Variants in GRM8 observed in about 807,000 individuals in gnomAD.
The protein encoded by GRM8 is metabotropic glutamate receptor 8.
In GRM8, 47 loss-of-function variants were observed where a neutral mutation model predicts 87.2. The ratio of observed to expected loss-of-function variants is 0.54; its 90% CI spans 0.43 to 0.69. The LOEUF (loss-of-function observed/expected upper bound fraction) is 0.69, where lower values mean the gene tolerates loss of function less well. Among genes scored for constraint, GRM8 ranks in the 30% least tolerant of loss-of-function variants. The pLI is 0.00. For missense variants in GRM8, 1,019 were observed against 1,139.2 expected, an observed-to-expected ratio of 0.89 and a Z score of 1.52; for synonymous variants, 396 against 404.5, an observed-to-expected ratio of 0.98 and a Z score of 0.25.
chr7:126,786,976 C>T (rs1820688978), intron 6 of GRM8, among the ~76,000 whole-genome samples: 2 of 152,136 alleles, frequency 1.3e-5, no homozygotes, highest in South Asian at 4.1e-4. Flanking sequence ...ACAATGCTGG[C>T]TCTTTTCTGC....
intron 7 of GRM8, among the ~76,000 whole-genome samples, chr7:126,642,931 G>T (rs1031405691): frequency 3.3e-5 from 5 of 152,054 alleles, no homozygotes; most frequent in Admixed American, 2.6e-4. Context: ...ATATTAATGA[G>T]TGCCAACAAT....
In GRM8 at chr7:126,770,047, C is replaced by A. The variant is rs2234947; in HGVS notation, c.1175G>T (p.Arg392Leu). ...TCCTTCCTGTTCATAAGATGAATCC[C>A]GAGCAATTCGCTCCAGCCCTGCAAA... ...KKCTGLERIA[R>L]DSSYEQEGKV... The change falls in exon 7 of 11, where the codon CGG becomes CTG. Residue 392 changes from arginine to leucine, a missense_variant. By Grantham distance (102) the Arg-to-Leu change is moderately radical (BLOSUM62 -2). Coordinates refer to ENST00000339582, the MANE Select transcript of GRM8 (RefSeq NM_000845.3). The A allele has an allele frequency of 6.2e-7, 1 of 1,611,742 alleles. No individual in the cohort carries two copies. The highest frequency in any genetic ancestry group is 2.2e-5 in the East Asian group (1 of 44,674).
chr7:126,707,597 T>C (rs951599385), intron 7 of GRM8, among the ~76,000 whole-genome samples: 2 of 152,150 alleles, frequency 1.3e-5, no homozygotes, highest in Non-Finnish European at 2.9e-5. Context: ...TGGAACTAAA[T>C]AGAGAACCCA....
At chr7:126,780,816 A>C (rs2151638425) in intron 6 of GRM8, among the ~76,000 whole-genome samples, 1 of 152,330 alleles carries the variant, frequency 6.6e-6, no homozygotes, top group Admixed American at 6.5e-5. Context: ...AGCCATCAAA[A>C]GGTAACATAA....
At chr7:127,187,900 T>G (rs2116461291) in intron 2 of GRM8, among the ~76,000 whole-genome samples, 1 of 152,324 alleles carries the variant, frequency 6.6e-6, no homozygotes, top group East Asian at 1.9e-4. Flanking sequence ...GCTGAAAGAA[T>G]CAAAGGTCTC....
chr7:126,633,870 A>C (rs1191986566), intron 7 of GRM8, among the ~76,000 whole-genome samples: 2 of 151,942 alleles, frequency 1.3e-5, no homozygotes, highest in African/African-American at 2.4e-5. Flanking sequence ...CTATTTTATA[A>C]TTAATTCCAT....
chr7:127,059,886 C>A (rs1250152597), intron 3 of GRM8, among the ~76,000 whole-genome samples: 2 of 152,210 alleles, frequency 1.3e-5, no homozygotes, highest in Non-Finnish European at 2.9e-5. Context: ...TTGGCAACTT[C>A]TCTTCTGGTG....
At chr7:126,588,594 C>G (rs1796383016) in intron 8 of GRM8, among the ~76,000 whole-genome samples, 1 of 152,100 alleles carries the variant, frequency 6.6e-6, no homozygotes. Context: ...AAATGTGACA[C>G]ATAGGATTTA....
chr7:126,974,182 G>T (rs1446485085), intron 3 of GRM8, among the ~76,000 whole-genome samples: 1 of 152,192 alleles, frequency 6.6e-6, no homozygotes, highest in Non-Finnish European at 1.5e-5. Context: ...CCATCCCCCA[G>T]ATATCTCACT....
At chr7:126,603,617 G>A (rs992354042) in intron 8 of GRM8, among the ~76,000 whole-genome samples, 2 of 152,058 alleles carry the variant, frequency 1.3e-5, no homozygotes, top group South Asian at 2.1e-4. Context: ...GGCATTTAAA[G>A]TTCTAACAGA....
intron 9 of GRM8, among the ~76,000 whole-genome samples, chr7:126,515,530 A>C (rs1182073539): frequency 6.6e-6 from 1 of 152,142 alleles, no homozygotes; most frequent in Non-Finnish European, 1.5e-5. Context: ...ACTGCCCTGC[A>C]GTTTTGGAGT....
At chr7:127,167,987 A>T (rs1003976616) in intron 2 of GRM8, among the ~76,000 whole-genome samples, 1 of 152,216 alleles carries the variant, frequency 6.6e-6, no homozygotes, top group African/African-American at 2.4e-5. Context: ...AGCAATGGCA[A>T]CAAAAGCCAA....
At chr7:126,896,872 C>T (rs995402578) in intron 6 of GRM8, among the ~76,000 whole-genome samples, 2 of 152,118 alleles carry the variant, frequency 1.3e-5, no homozygotes, top group African/African-American at 4.8e-5. Flanking sequence ...AGAATTAAAA[C>T]CCAGCAAAGA....
chr7:127,199,796 G>T (rs777415664), intron 2 of GRM8, among the ~76,000 whole-genome samples: 1 of 152,158 alleles, frequency 6.6e-6, no homozygotes, highest in African/African-American at 2.4e-5. Flanking sequence ...AGAGGAACAC[G>T]ATGATGGCAG....
intron 3 of GRM8, among the ~76,000 whole-genome samples, chr7:126,941,615 G>A (rs1263235719): frequency 2.0e-5 from 3 of 147,772 alleles, no homozygotes; most frequent in Non-Finnish European, 4.5e-5. Context: ...GCAAGACTCT[G>A]TCTCAAAAAA....
chr7:126,943,512 C>G (rs1171307663), intron 3 of GRM8, among the ~76,000 whole-genome samples: 4 of 152,232 alleles, frequency 2.6e-5, no homozygotes, highest in Non-Finnish European at 5.9e-5. Flanking sequence ...TGGCACAAAA[C>G]TTACAGATCA....
intron 2 of GRM8, among the ~76,000 whole-genome samples, chr7:127,165,517 C>A (rs951236393): frequency 2.6e-5 from 4 of 151,940 alleles, no homozygotes; most frequent in African/African-American, 4.8e-5. Flanking sequence ...CCAAACCTGC[C>A]TTTTCCTTTC....
intron 7 of GRM8, among the ~76,000 whole-genome samples, chr7:126,704,514 G>A (rs563704501): frequency 1.2e-4 from 19 of 152,170 alleles, no homozygotes; most frequent in Non-Finnish European, 2.8e-4. Flanking sequence ...CTTAAACTCT[G>A]ACCACCAGTG....
intron 8 of GRM8, among the ~76,000 whole-genome samples, chr7:126,570,072 A>G (rs946446546): frequency 1.3e-5 from 2 of 152,306 alleles, no homozygotes; most frequent in Middle Eastern, 3.4e-3. Context: ...CTGGCTCCAG[A>G]TTACATCAAG....
Sources: gnomAD v4.1 joint callset for allele counts (sites outside exome capture counted in the v4.1 genomes callset) on GRCh38, gnomAD v4.1.1 for gene constraint, MANE v1.5 for transcripts, NCBI Gene and HGNC (gene_info 2026-07-23, HGNC 2026-07-21) for gene names.